Variants in ZNF892 observed in about 807,000 individuals in gnomAD.
ZNF892 encodes zinc finger protein 892, also known as zinc finger protein 570-like.
the ZNF892 span, among the ~76,000 whole-genome samples, chr2:95,210,071 A>ATATATATG: frequency 0.037 from 5,658 of 151,252 alleles, 148 homozygotes; most frequent in East Asian, 0.091. Context: ...TTCGATTCAT[A>ATATATATG]TATATATGTA....
chr2:95,226,294 A>G, the ZNF892 span, among the ~76,000 whole-genome samples: 3 of 152,208 alleles, frequency 2.0e-5, no homozygotes, highest in African/African-American at 7.2e-5. Context: ...TACTCTTACT[A>G]GGACCTCTAG....
the ZNF892 span, among the ~76,000 whole-genome samples, chr2:95,262,350 C>T: frequency 6.6e-6 from 1 of 152,216 alleles, no homozygotes; most frequent in Non-Finnish European, 1.5e-5. Context: ...TCTACACTCC[C>T]TTCTCCCTGA....
At chr2:95,243,209 C>T in the ZNF892 span, among the ~76,000 whole-genome samples, 1 of 152,118 alleles carries the variant, frequency 6.6e-6, no homozygotes, top group East Asian at 1.9e-4. Context: ...ACAACCTCCA[C>T]CTCCCAGCAG....
chr2:95,210,361 C>CT, the ZNF892 span, among the ~76,000 whole-genome samples: 4 of 151,754 alleles, frequency 2.6e-5, no homozygotes, highest in Admixed American at 6.6e-5. Flanking sequence ...TTATTTTACT[C>CT]TAAGTTAAAT....
chr2:95,217,073 T>A, the ZNF892 span, among the ~76,000 whole-genome samples: 1 of 152,306 alleles, frequency 6.6e-6, no homozygotes, highest in Middle Eastern at 3.4e-3. Flanking sequence ...CTGCTTCTAG[T>A]GAGGGCTTTC....
the ZNF892 span, among the ~76,000 whole-genome samples, chr2:95,235,943 A>G: frequency 6.6e-6 from 1 of 152,156 alleles, no homozygotes; most frequent in Admixed American, 6.5e-5. Flanking sequence ...CTTTAGTTGA[A>G]ACAGAACTGT....
chr2:95,214,757 A>C, the ZNF892 span: 1 of 447,314 alleles, frequency 2.2e-6, no homozygotes, highest in Non-Finnish European at 4.1e-6. Context: ...TGCATCAGAG[A>C]ATTCACACAG....
At chr2:95,226,170 G>A in the ZNF892 span, among the ~76,000 whole-genome samples, 26 of 152,294 alleles carry the variant, frequency 1.7e-4, no homozygotes, top group South Asian at 2.7e-3. Flanking sequence ...CTCCACCCCT[G>A]TAACAAGCCT....
chr2:95,210,105 ATG>A, the ZNF892 span, among the ~76,000 whole-genome samples: 1 of 149,996 alleles, frequency 6.7e-6, no homozygotes, highest in Non-Finnish European at 1.5e-5. Flanking sequence ...ATGTGTGTAT[ATG>A]TGTGTATATA....
At chr2:95,210,976 G>A in the ZNF892 span, among the ~76,000 whole-genome samples, 1 of 152,038 alleles carries the variant, frequency 6.6e-6, no homozygotes, top group African/African-American at 2.4e-5. Context: ...GGGGCTAACG[G>A]GAATAGGACA....
the ZNF892 span, among the ~76,000 whole-genome samples, chr2:95,234,686 C>T: frequency 6.6e-6 from 1 of 152,184 alleles, no homozygotes; most frequent in Admixed American, 6.5e-5. Context: ...TTTCCTGTGC[C>T]CAGAGGGTGG....
chr2:95,210,524 G>A, the ZNF892 span, among the ~76,000 whole-genome samples: 1 of 152,140 alleles, frequency 6.6e-6, no homozygotes, highest in African/African-American at 2.4e-5. Context: ...TCATCTAGAT[G>A]AAGGTTAGGC....
the ZNF892 span, among the ~76,000 whole-genome samples, chr2:95,241,748 T>C: frequency 6.6e-6 from 1 of 152,094 alleles, no homozygotes. Context: ...CTAAAAATCA[T>C]TATAAAATGA....
At chr2:95,257,925 T>G in the ZNF892 span, among the ~76,000 whole-genome samples, 1 of 152,176 alleles carries the variant, frequency 6.6e-6, no homozygotes, top group Non-Finnish European at 1.5e-5. Flanking sequence ...AAAAGCGCAG[T>G]ATTAGGGTGG....
At chr2:95,257,183 T>C in the ZNF892 span, among the ~76,000 whole-genome samples, 1 of 152,224 alleles carries the variant, frequency 6.6e-6, no homozygotes, top group African/African-American at 2.4e-5. Flanking sequence ...CTGCTGTTTT[T>C]TCCCCATATT....
At chr2:95,221,575 G>A in the ZNF892 span, among the ~76,000 whole-genome samples, 13 of 152,174 alleles carry the variant, frequency 8.5e-5, no homozygotes, top group Admixed American at 5.9e-4. Context: ...TAGATTTACT[G>A]TTTCTTCTAG....
the ZNF892 span, among the ~76,000 whole-genome samples, chr2:95,224,127 G>GT: frequency 6.6e-6 from 1 of 152,228 alleles, no homozygotes; most frequent in Non-Finnish European, 1.5e-5. Context: ...CTCCAGAACT[G>GT]TAAGAAATCA....
chr2:95,253,183 G>A, the ZNF892 span, among the ~76,000 whole-genome samples: 2 of 152,186 alleles, frequency 1.3e-5, no homozygotes, highest in Admixed American at 6.5e-5. Flanking sequence ...GAATGGTATT[G>A]CCTAGGTTTT....
chr2:95,228,167 G>A, the ZNF892 span, among the ~76,000 whole-genome samples: 1 of 152,290 alleles, frequency 6.6e-6, no homozygotes, highest in Middle Eastern at 3.4e-3. Flanking sequence ...CAGACCAGTT[G>A]TTTTGTAGAA....
Sources: gnomAD v4.1 joint callset for allele counts (sites outside exome capture counted in the v4.1 genomes callset) on GRCh38, gnomAD v4.1.1 for gene constraint, MANE v1.5 for transcripts, NCBI Gene and HGNC (gene_info 2026-07-23, HGNC 2026-07-21) for gene names.